The following SH3RF3 variants were observed in gnomAD, a reference collection of about 807,000 sequenced individuals.
SH3RF3 encodes E3 ubiquitin-protein ligase SH3RF3.
Under a neutral mutation model 66.3 loss-of-function variants are expected in SH3RF3, and 29 were observed. That is an observed-to-expected ratio of 0.44 (90% CI 0.33 to 0.60). The LOEUF (loss-of-function observed/expected upper bound fraction) is 0.60. Among genes scored for constraint, SH3RF3 ranks in the 20% least tolerant of loss-of-function variants. The probability of loss-of-function intolerance (pLI) is 0.04; values close to 1 mark genes in which losing one functional copy is unlikely to be tolerated. For synonymous variants in SH3RF3, 583 were observed against 532.0 expected (o/e 1.10, Z -1.32); for missense variants, 1,194 against 1,190.9 (o/e 1.00, Z -0.04).
chr2:109,350,068 G>A (rs1329245455), intron 2 of SH3RF3, among the ~76,000 whole-genome samples: 3 of 152,248 alleles, frequency 2.0e-5, no homozygotes, highest in East Asian at 1.9e-4. Flanking sequence ...GGGGCAGGCC[G>A]GGCATTTAGT....
chr2:109,382,278 G>A (rs541239104), intron 3 of SH3RF3, among the ~76,000 whole-genome samples: 10 of 152,278 alleles, frequency 6.6e-5, no homozygotes, highest in African/African-American at 2.4e-4. Flanking sequence ...TTGCTGAAGG[G>A]ACATCTGTTT....
intron 1 of SH3RF3, among the ~76,000 whole-genome samples, chr2:109,287,045 CTT>C (rs762090846): frequency 2.6e-5 from 4 of 152,194 alleles, no homozygotes; most frequent in African/African-American, 9.7e-5. Flanking sequence ...CTCTCAGCAA[CTT>C]TCTGATTTGC....
chr2:109,484,669 CTTAAA>C (rs1678923694), intron 8 of SH3RF3, among the ~76,000 whole-genome samples: 1 of 152,156 alleles, frequency 6.6e-6, no homozygotes, highest in Non-Finnish European at 1.5e-5. Context: ...TTTTTCCCCT[CTTAAA>C]TTAAAAAGAA....
chr2:109,148,614 T>C (rs897273050), intron 1 of SH3RF3, among the ~76,000 whole-genome samples: 2 of 152,198 alleles, frequency 1.3e-5, no homozygotes, highest in Non-Finnish European at 2.9e-5. Context: ...TATGTATAAT[T>C]AAAGATGGCA....
Position 109,175,105 on chromosome 2 carries a change from C to T in SH3RF3, c.573+44992C>T, listed in dbSNP as rs141978063. On this transcript the variant is annotated intron_variant, in intron 1 of 9. Transcript: ENST00000309415. ...GATGCTGCTAAGAAGTGCATTCATG[C>T]CTACTAGTAGTCCTGGTCATTATCA... Among the ~76,000 whole-genome samples, 3 of 152,220 alleles carry T rather than the reference C, an allele frequency of 2.0e-5. No individual in the cohort carries two copies. In the East Asian group the frequency reaches 5.8e-4, roughly 29 times the overall value.
At chr2:109,496,286 C>T (rs931815145) in intron 9 of SH3RF3, among the ~76,000 whole-genome samples, 7 of 151,726 alleles carry the variant, frequency 4.6e-5, no homozygotes, top group African/African-American at 7.3e-5. Context: ...AGCTACAGAG[C>T]GCTGATTGGT....
intron 4 of SH3RF3, among the ~76,000 whole-genome samples, chr2:109,403,118 G>A (rs773525284): frequency 1.8e-4 from 27 of 152,200 alleles, no homozygotes; most frequent in Non-Finnish European, 2.4e-4. Context: ...GGAAGCGTGC[G>A]TCTGTGGTTT....
At chr2:109,481,099 T>C (rs1404682247) in intron 8 of SH3RF3, among the ~76,000 whole-genome samples, 1 of 152,168 alleles carries the variant, frequency 6.6e-6, no homozygotes, top group Non-Finnish European at 1.5e-5. Context: ...AAAAAGAATC[T>C]GACAGCTGTT....
At chr2:109,242,598 ACCT>A (rs1186167166) in intron 1 of SH3RF3, among the ~76,000 whole-genome samples, 1 of 151,800 alleles carries the variant, frequency 6.6e-6, no homozygotes, top group Non-Finnish European at 1.5e-5. Context: ...GCCCAAAGAG[ACCT>A]CCTGCTTTGA....
intron 9 of SH3RF3, among the ~76,000 whole-genome samples, chr2:109,497,000 A>G (rs1679276889): frequency 6.6e-6 from 1 of 152,198 alleles, no homozygotes; most frequent in African/African-American, 2.4e-5. Flanking sequence ...GCTTCTAGCA[A>G]CTGGAAAGGC....
chr2:109,181,741 A>G (rs992997603), intron 1 of SH3RF3, among the ~76,000 whole-genome samples: 13 of 152,140 alleles, frequency 8.5e-5, no homozygotes, highest in African/African-American at 2.9e-4. Context: ...CAGCCATGGT[A>G]GTGGATGCTA....
intron 1 of SH3RF3, among the ~76,000 whole-genome samples, chr2:109,154,471 C>T (rs1324078901): frequency 6.6e-6 from 1 of 152,206 alleles, no homozygotes; most frequent in Non-Finnish European, 1.5e-5. Flanking sequence ...GGACCACCAG[C>T]CTTTTTGAGG....
chr2:109,245,576 T>C (rs1391211621), intron 1 of SH3RF3, among the ~76,000 whole-genome samples: 1 of 152,254 alleles, frequency 6.6e-6, no homozygotes, highest in East Asian at 1.9e-4. Flanking sequence ...GACATGTTAT[T>C]ATAGGAACTT....
chr2:109,257,837 AC>A (rs1163096081), intron 1 of SH3RF3, among the ~76,000 whole-genome samples: 1 of 151,558 alleles, frequency 6.6e-6, no homozygotes, highest in Non-Finnish European at 1.5e-5. Flanking sequence ...TTTTTTGGAA[AC>A]CCCACTTTCC....
At chr2:109,257,281 G>C (rs1680242735) in intron 1 of SH3RF3, among the ~76,000 whole-genome samples, 1 of 151,954 alleles carries the variant, frequency 6.6e-6, no homozygotes, top group Admixed American at 6.6e-5. Flanking sequence ...AAAGTCAGCT[G>C]TTTCTGCTTT....
intron 3 of SH3RF3, among the ~76,000 whole-genome samples, chr2:109,383,077 G>T (rs944626959): frequency 6.6e-6 from 1 of 152,226 alleles, no homozygotes; most frequent in Non-Finnish European, 1.5e-5. Context: ...ATTCCATGCA[G>T]CCCTGAGGGC....
chr2:109,347,631 G>A (rs370722614), intron 1 of SH3RF3, 43 bp from the exon 2 acceptor site: 1 of 1,594,372 alleles, frequency 6.3e-7, no homozygotes, highest in African/African-American at 1.3e-5. Context: ...GGGGCATTGG[G>A]AAGGGGCATG....
intron 8 of SH3RF3, among the ~76,000 whole-genome samples, chr2:109,484,954 C>T (rs1056626577): frequency 3.3e-5 from 5 of 152,190 alleles, no homozygotes; most frequent in African/African-American, 1.2e-4. Context: ...TTAAAGTGTA[C>T]GATTGTGTTC....
At chr2:109,375,179 C>G (rs942775863) in intron 3 of SH3RF3, among the ~76,000 whole-genome samples, 17 of 152,272 alleles carry the variant, frequency 1.1e-4, no homozygotes, top group Non-Finnish European at 2.4e-4. Context: ...GGCACTGACC[C>G]CATCTGTGCT....
Sources: gnomAD v4.1 joint callset for allele counts (sites outside exome capture counted in the v4.1 genomes callset) on GRCh38, gnomAD v4.1.1 for gene constraint, MANE v1.5 for transcripts, NCBI Gene and HGNC (gene_info 2026-07-23, HGNC 2026-07-21) for gene names.